C19orf25: variants seen among roughly 807,000 people sequenced by gnomAD.
C19orf25 encodes the protein chromosome 19 open reading frame 25.
Under a neutral mutation model 3.1 loss-of-function variants are expected in C19orf25, and 1 was observed. The ratio of observed to expected loss-of-function variants is 0.32; its 90% CI spans 0.12 to 1.54. C19orf25 has a LOEUF of 1.54. Among genes scored for constraint, C19orf25 ranks in the 40% most tolerant of loss-of-function variants. The probability of loss-of-function intolerance (pLI) is 0.38; values close to 1 mark genes in which losing one functional copy is unlikely to be tolerated. For missense variants in C19orf25, 196 were observed against 160.4 expected (o/e 1.22, Z -1.20); for synonymous variants, 91 against 74.3 (o/e 1.23, Z -1.16).
intron 2 of C19orf25, among the ~76,000 whole-genome samples, chr19:1,477,306 C>T (rs193072673): frequency 6.6e-6 from 1 of 152,314 alleles, no homozygotes; most frequent in East Asian, 1.9e-4. Context: ...CTGGCCGATT[C>T]ATCTTCATTT....
At position 1,474,133 on chromosome 19, in the gene C19orf25, G is replaced by A. The variant is rs926618840; in HGVS notation, c.*899C>T. On this transcript the variant is annotated 3_prime_UTR_variant, in exon 3 of 3. Coordinates refer to ENST00000585675, the MANE Select transcript of C19orf25 (RefSeq NM_152482.3). ...ATCCCTCCCCAGCTTCCGGGGCCCC[G>A]GGACGGAGCCGCTCACAGAGGCACC... 7 of 152,264 alleles carry A rather than the reference G, an allele frequency of 4.6e-5. No individual in the cohort carries two copies. The highest frequency in any genetic ancestry group is 1.9e-4 in the East Asian group (1 of 5,190). The allele number at this position is 152,264 out of a possible 1,614,324, so 9.4% of individuals were successfully genotyped here. A position where few individuals can be genotyped will look rare whatever the true frequency, so the allele number is the denominator to read the frequency against.
chr19:1,476,241 G>A (rs914588004), intron 2 of C19orf25: 9 of 398,650 alleles, frequency 2.3e-5, no homozygotes, highest in Admixed American at 8.8e-5. Context: ...TCCCACGGAC[G>A]AAGGCTCCAC....
rs558343642 is a variant in C19orf25 at position 1,474,588 on chromosome 19, G to T, written c.*444C>A. The T allele has an allele frequency of 4.6e-6, 2 of 434,496 alleles. No homozygotes were observed. Among genetic ancestry groups the T allele is most frequent in the East Asian group, 6.8e-5 (2 of 29,526 alleles). The allele number at this position is 434,496 out of a possible 1,614,324, so 26.9% of individuals were successfully genotyped here. On this transcript the variant is annotated 3_prime_UTR_variant, in exon 3 of 3. Transcript: ENST00000585675. ...GGGTCAGGGGCTCAGGCTGGCCCTC[G>T]GGCTGCTCTGACATTGGGTGGGCAC...
At chr19:1,475,366 T>G in intron 2 of C19orf25, 108 bp from the exon 3 acceptor site, 1 of 1,162,472 alleles carries the variant, frequency 8.6e-7, no homozygotes, top group Non-Finnish European at 1.2e-6. Flanking sequence ...CCGAGTGAGC[T>G]TGCCAGCCGG....
chr19:1,475,757 GC>G (rs1344623775), intron 2 of C19orf25: 1 of 180,254 alleles, frequency 5.5e-6, no homozygotes, highest in Non-Finnish European at 1.1e-5. Flanking sequence ...AGGCACAGTG[GC>G]TGGGTGGCAG....
At chr19:1,479,059 T>C (rs1599180869) in intron 1 of C19orf25, 104 bp downstream of exon 1, 7 of 869,454 alleles carry the variant, frequency 8.1e-6, no homozygotes, top group Non-Finnish European at 9.6e-6. Context: ...CCCCAGGCCC[T>C]GACCCTCCCT....
chr19:1,474,957 G>T lies in C19orf25; in HGVS notation c.*75C>A. On this transcript the variant is annotated 3_prime_UTR_variant, in exon 3 of 3. Transcript: ENST00000585675. ...CTGGGACCCCGTGAATGCCAGTCTG[G>T]GGCCGACGGACCCCCAGGGAAAGCC... The T allele has an allele frequency of 6.5e-7, 1 of 1,531,108 alleles. No individual in the cohort carries two copies. The highest frequency in any genetic ancestry group is 8.8e-7 in the Non-Finnish European group (1 of 1,141,844). The allele number at this position is 1,531,108 out of a possible 1,614,324, so 94.8% of individuals were successfully genotyped here.
At position 1,475,087 on chromosome 19, in the gene C19orf25, AC is replaced by A. The variant is rs2145285720; in HGVS notation, c.301del (p.Val101TrpfsTer4). 1 of 1,605,906 alleles carries A rather than the reference AC, an allele frequency of 6.2e-7. No homozygotes were observed. Among genetic ancestry groups the A allele is most frequent in the East Asian group, 2.2e-5 (1 of 44,560 alleles). ...TAATGCTGCCTGCTTCATCTGGGCCACCTCCCGCTCCAGGTCCTCGCCGGCT... is the reference window on the plus strand; with the variant it reads ...TAATGCTGCCTGCTTCATCTGGGCCACTCCCGCTCCAGGTCCTCGCCGGCT... ...QRAGEDLERE[V>X]AQMKQAALPA... On this transcript the variant is annotated frameshift_variant, in exon 3 of 3. Coordinates refer to ENST00000585675, the MANE Select transcript of C19orf25 (RefSeq NM_152482.3). LOFTEE classifies it low-confidence loss of function (END_TRUNC).
At chr19:1,478,283 T>A (rs995660247) in intron 2 of C19orf25, 48 of 181,572 alleles carry the variant, frequency 2.6e-4, no homozygotes, top group African/African-American at 1.0e-3. Flanking sequence ...CACTGTCACC[T>A]GGGCTGGAGT....
chr19:1,478,423 GTTT>G, intron 2 of C19orf25: 4 of 481,902 alleles, frequency 8.3e-6, no homozygotes, highest in East Asian at 3.6e-5. Flanking sequence ...TTTTGTTTTT[GTTT>G]TTGTTTTTGT....
In C19orf25 at chr19:1,474,623, G is replaced by A; in HGVS notation, c.*409C>T. 1 of 510,612 alleles carries A rather than the reference G, an allele frequency of 2.0e-6. No individual in the cohort carries two copies. The highest frequency in any genetic ancestry group is 3.3e-6 in the Non-Finnish European group (1 of 303,284). The allele number at this position is 510,612 out of a possible 1,614,324, so 31.6% of individuals were successfully genotyped here. A position where few individuals can be genotyped will look rare whatever the true frequency, so the allele number is the denominator to read the frequency against. Reference sequence around the variant, plus strand: ...GACATTGGGTGGGCACTCGCTGGATGGAATCACAGTTAACACCTCGATCCC... The same window carrying A: ...GACATTGGGTGGGCACTCGCTGGATAGAATCACAGTTAACACCTCGATCCC... On this transcript the variant is annotated 3_prime_UTR_variant, in exon 3 of 3. Coordinates refer to ENST00000585675, the MANE Select transcript of C19orf25 (RefSeq NM_152482.3).
Position 1,474,689 on chromosome 19 carries a change from G to A in C19orf25, c.*343C>T, listed in dbSNP as rs567113832. 4.3e-5 allele frequency: 40 copies of A among 937,618 alleles called. No homozygotes were observed. The highest frequency in any genetic ancestry group is 1.8e-4 in the African/African-American group (11 of 60,366). The allele number at this position is 937,618 out of a possible 1,614,324, so 58.1% of individuals were successfully genotyped here. A position where few individuals can be genotyped will look rare whatever the true frequency, so the allele number is the denominator to read the frequency against. The stretch of plus-strand genomic sequence containing the variant: ...AAGTGGACAGGCGAGTGCCTGCCCC[G>A]GGAGAGGAAGGAGGTGGCACCTGCT... On this transcript the variant is annotated 3_prime_UTR_variant, in exon 3 of 3. Transcript: ENST00000585675.
rs1478385049 is a variant in C19orf25, at chr19:1,473,778, GGAGCCGGCCCCCTCCCCACC to G, written c.*1234_*1253del. On this transcript the variant is annotated 3_prime_UTR_variant, in exon 3 of 3. Transcript: ENST00000585675. Reference sequence around the variant, plus strand: ...AAGTGCAGGGTGGGAAGGGATGGCAGGAGCCGGCCCCCTCCCCACCTTCCACCCTGGGACACTGCCGGGAC... The same window carrying G: ...AAGTGCAGGGTGGGAAGGGATGGCAGTTCCACCCTGGGACACTGCCGGGAC... 9.8e-5 allele frequency: 15 copies of G among 152,452 alleles called. No individual in the cohort carries two copies. Among genetic ancestry groups the G allele is most frequent in the African/African-American group, 3.6e-4 (15 of 41,466 alleles). 9.4% of individuals were successfully genotyped at this position (152,452 alleles called of 1,614,324 possible).
chr19:1,475,090 TCC>T lies in C19orf25; in HGVS notation c.297_298del (p.Glu100GlyfsTer58). 6.2e-7 allele frequency: 1 copy of T among 1,606,740 alleles called. No homozygotes were observed. Among genetic ancestry groups the T allele is most frequent in the Non-Finnish European group, 8.5e-7 (1 of 1,177,696 alleles). On this transcript the variant is annotated frameshift_variant, in exon 3 of 3. Coordinates refer to ENST00000585675, the MANE Select transcript of C19orf25 (RefSeq NM_152482.3). LOFTEE classifies it low-confidence loss of function (END_TRUNC). ...TGCTGCCTGCTTCATCTGGGCCACC[TCC>T]CGCTCCAGGTCCTCGCCGGCTCGCT...
Position 1,479,175 on chromosome 19 carries a change from C to T in C19orf25, c.-15G>A. The T allele has an allele frequency of 1.6e-6, 2 of 1,281,938 alleles. No individual in the cohort carries two copies. The highest frequency in any genetic ancestry group is 2.0e-6 in the Non-Finnish European group (2 of 1,015,928). The allele number at this position is 1,281,938 out of a possible 1,614,324, so 79.4% of individuals were successfully genotyped here. On this transcript the variant is annotated 5_prime_UTR_variant, in exon 1 of 3. Transcript: ENST00000585675. ...GGCCTCTTCCCACCTGGGCGCGGGACCCGAAAGCCCAGCGTCGACGACGCA... is the reference window on the plus strand; with the variant it reads ...GGCCTCTTCCCACCTGGGCGCGGGATCCGAAAGCCCAGCGTCGACGACGCA...
chr19:1,478,953 C>T, intron 1 of C19orf25, 48 bp from the exon 2 acceptor site: 3 of 1,506,666 alleles, frequency 2.0e-6, no homozygotes, highest in Non-Finnish European at 1.8e-6. Flanking sequence ...CCTCTCCGCC[C>T]TTGCCCGGGC....
intron 2 of C19orf25, chr19:1,476,405 G>A (rs946457245): frequency 3.3e-5 from 13 of 397,102 alleles, no homozygotes; most frequent in Middle Eastern, 6.2e-4. Context: ...CCTCAGTTTC[G>A]CCACACTCAA....
Position 1,478,026 on chromosome 19 carries a change from G to A in C19orf25, c.130+748C>T, listed in dbSNP as rs1349613218. On this transcript the variant is annotated intron_variant, in intron 2 of 2. Coordinates refer to ENST00000585675, the MANE Select transcript of C19orf25 (RefSeq NM_152482.3). The stretch of plus-strand genomic sequence containing the variant: ...GGCTAATTTTTGTATTTTTAGTAGA[G>A]ACAAGGTTCCACCATGTTGGCCAGG... Among the ~76,000 whole-genome samples the A allele has an allele frequency of 3.3e-5, 5 of 152,100 alleles. No homozygotes were observed. In the East Asian group the frequency reaches 9.7e-4, roughly 30 times the overall value.
rs1171563620 is a variant in C19orf25, at chr19:1,474,967, A to C, written c.*65T>G. On this transcript the variant is annotated 3_prime_UTR_variant, in exon 3 of 3. Coordinates refer to ENST00000585675, the MANE Select transcript of C19orf25 (RefSeq NM_152482.3). The stretch of plus-strand genomic sequence containing the variant: ...GTGAATGCCAGTCTGGGGCCGACGG[A>C]CCCCCAGGGAAAGCCTGGGTGCAGG... 6.5e-7 allele frequency: 1 copy of C among 1,532,556 alleles called. No individual in the cohort carries two copies. The highest frequency in any genetic ancestry group is 8.8e-7 in the Non-Finnish European group (1 of 1,142,260). 94.9% of individuals were successfully genotyped at this position (1,532,556 alleles called of 1,614,324 possible).
Sources: allele counts gnomAD v4.1 joint callset (sites outside exome capture counted in the v4.1 genomes callset), GRCh38; gene constraint gnomAD v4.1.1; transcripts MANE v1.5; gene names NCBI Gene and HGNC (gene_info 2026-07-23, HGNC 2026-07-21).